The following CDK8 variants were observed in gnomAD, a reference collection of about 807,000 sequenced individuals.
CDK8 encodes cyclin-dependent kinase 8.
Under a neutral mutation model 71.5 loss-of-function variants are expected in CDK8, and 29 were observed. That is an observed-to-expected ratio of 0.41 (90% CI 0.30 to 0.55). The LOEUF (loss-of-function observed/expected upper bound fraction) is 0.55. Among genes scored for constraint, CDK8 ranks in the 20% least tolerant of loss-of-function variants. The probability of loss-of-function intolerance (pLI) is 0.37; values close to 1 mark genes in which losing one functional copy is unlikely to be tolerated. For missense variants in CDK8, 288 were observed against 572.6 expected (o/e 0.50, Z 5.07); for synonymous variants, 161 against 192.1 (o/e 0.84, Z 1.34).
At chr13:26,337,363 A>G (rs967042441) in intron 1 of CDK8, among the ~76,000 whole-genome samples, 1 of 152,170 alleles carries the variant, frequency 6.6e-6, no homozygotes, top group African/African-American at 2.4e-5. Context: ...AAGTCTTTTT[A>G]TTCCTTTGAA....
chr13:26,403,540 C>T (rs17084039), intron 12 of CDK8, among the ~76,000 whole-genome samples: 12,089 of 152,102 alleles, frequency 0.079, 1,573 homozygotes, highest in African/African-American at 0.27. Context: ...ATCATACTCA[C>T]TTTTACTCTT....
At chr13:26,291,397 G>A (rs1317581978) in intron 1 of CDK8, among the ~76,000 whole-genome samples, 4 of 152,150 alleles carry the variant, frequency 2.6e-5, no homozygotes, top group Non-Finnish European at 5.9e-5. Flanking sequence ...CATATAGAAA[G>A]AGTTGTTAAC....
chr13:26,255,228 A>G (rs1871469707), intron 1 of CDK8, among the ~76,000 whole-genome samples: 1 of 152,038 alleles, frequency 6.6e-6, no homozygotes, highest in Non-Finnish European at 1.5e-5. Context: ...TTTTTTATCA[A>G]ATTTGTATTT....
At chr13:26,287,264 G>A (rs2137894990) in intron 1 of CDK8, among the ~76,000 whole-genome samples, 1 of 152,280 alleles carries the variant, frequency 6.6e-6, no homozygotes, top group Non-Finnish European at 1.5e-5. Context: ...CAAACAAGTG[G>A]ATAAAGAAAA....
chr13:26,313,925 G>A (rs2137935522), intron 1 of CDK8, among the ~76,000 whole-genome samples: 1 of 152,312 alleles, frequency 6.6e-6, no homozygotes, highest in South Asian at 2.1e-4. Flanking sequence ...TGATGTCCAG[G>A]TTGGGTAAAT....
chr13:26,293,385 C>T (rs1311191170), intron 1 of CDK8, among the ~76,000 whole-genome samples: 1 of 151,920 alleles, frequency 6.6e-6, no homozygotes, highest in African/African-American at 2.4e-5. Context: ...GGTGGATTGC[C>T]TGAGCTCAGG....
Position 26,401,589 on chromosome 13 carries a change from A to G in CDK8, c.1234A>G (p.Thr412Ala), listed in dbSNP as rs1876261166. Residue 412 changes from threonine to alanine, a missense_variant, in exon 12 of 13, where the codon ACC becomes GCC. Physicochemically the swap from Thr to Ala is moderately conservative, Grantham distance 58. Around this residue, in one of 6 missense-constraint regions of CDK8, gnomAD observed 76 missense variants for 99.7 expected, o/e 0.76. Transcript: ENST00000381527. The surrounding 1 kb of genome is among the most constrained non-coding windows in gnomAD (Gnocchi z 4.5). ...AGTGAGAGTTGTTCCTCCTACCACTACCTCAGGTGGACTTATCATGACCTC... is the reference window on the plus strand; with the variant it reads ...AGTGAGAGTTGTTCCTCCTACCACTGCCTCAGGTGGACTTATCATGACCTC... ...KKVRVVPPTT[T>A]SGGLIMTSDY... 1 of 1,614,134 alleles carries G rather than the reference A, an allele frequency of 6.2e-7. No individual in the cohort carries two copies. Among genetic ancestry groups the G allele is most frequent in the Non-Finnish European group, 8.5e-7 (1 of 1,179,996 alleles).
chr13:26,329,056 T>C (rs1029305587), intron 1 of CDK8, among the ~76,000 whole-genome samples: 1 of 152,224 alleles, frequency 6.6e-6, no homozygotes, highest in Non-Finnish European at 1.5e-5. Context: ...AATCAGCTAT[T>C]TTTTGTCCAT....
rs1593219037 is a variant in CDK8, at chr13:26,254,901, C to T, written c.128+132C>T. 7.5e-7 allele frequency: 1 copy of T among 1,327,254 alleles called. No individual in the cohort carries two copies. Among genetic ancestry groups the T allele is most frequent in the Non-Finnish European group, 1.0e-6 (1 of 974,732 alleles). 82.2% of individuals were successfully genotyped at this position (1,327,254 alleles called of 1,614,324 possible). A position where few individuals can be genotyped will look rare whatever the true frequency, so the allele number is the denominator to read the frequency against. Reference sequence around the variant, plus strand: ...CCTCGACGCCGGCCTCTGGCTCCGCCAGCCAGGTTTGGGGAGGAAGTGGTG... The same window carrying T: ...CCTCGACGCCGGCCTCTGGCTCCGCTAGCCAGGTTTGGGGAGGAAGTGGTG... On this transcript the variant is annotated intron_variant, in intron 1 of 12. Transcript: ENST00000381527. The surrounding 1 kb of genome is among the most constrained non-coding windows in gnomAD (Gnocchi z 6.7).
At chr13:26,397,055 A>G (rs1032072187) in intron 8 of CDK8, 98 bp from the exon 9 acceptor site, 11 of 706,914 alleles carry the variant, frequency 1.6e-5, no homozygotes, top group Non-Finnish European at 2.3e-5. Context: ...TATATTTTAT[A>G]TCGGTTATGA....
At chr13:26,313,347 T>A (rs1483041248) in intron 1 of CDK8, among the ~76,000 whole-genome samples, 1 of 152,178 alleles carries the variant, frequency 6.6e-6, no homozygotes, top group Admixed American at 6.6e-5. Context: ...GGAAAAGAGA[T>A]GAAGAATTGA....
At chr13:26,386,495 G>A (rs940705573) in intron 6 of CDK8, among the ~76,000 whole-genome samples, 1 of 151,964 alleles carries the variant, frequency 6.6e-6, no homozygotes, top group African/African-American at 2.4e-5. Context: ...TTTCTATTTT[G>A]GATTGGTTGG....
chr13:26,287,097 G>T (rs950352730), intron 1 of CDK8, among the ~76,000 whole-genome samples: 2 of 152,150 alleles, frequency 1.3e-5, no homozygotes, highest in Non-Finnish European at 2.9e-5. Flanking sequence ...ATTCCTTAAA[G>T]AACTAAAATA....
chr13:26,354,149 T>G (rs566072136), intron 4 of CDK8, among the ~76,000 whole-genome samples: 1 of 152,350 alleles, frequency 6.6e-6, no homozygotes, highest in East Asian at 1.9e-4. Context: ...AAATAAAGCA[T>G]TGGCTTGCTT....
chr13:26,329,225 A>G (rs1463805379), intron 1 of CDK8, among the ~76,000 whole-genome samples: 5 of 152,080 alleles, frequency 3.3e-5, no homozygotes, highest in Non-Finnish European at 5.9e-5. Flanking sequence ...TTACCAAAAC[A>G]CTGCTCAGTT....
chr13:26,353,781 G>C lies in CDK8; in HGVS notation c.357G>C (p.Lys119Asn), dbSNP rs1249302323. 1 of 1,613,226 alleles carries C rather than the reference G, an allele frequency of 6.2e-7. No individual in the cohort carries two copies. The highest frequency in any genetic ancestry group is 8.5e-7 in the Non-Finnish European group (1 of 1,179,610). ...KFHRASKANKKPVQLPRGMVK... is the reference protein window; with the variant it reads ...KFHRASKANKNPVQLPRGMVK... ...ACAGAGCTTCTAAAGCAAACAAGAA[G>C]CCAGTTCAGTTACCTCGGGGAATGG... The change falls in exon 4 of 13, where the codon AAG becomes AAC. Residue 119 changes from lysine (K) to asparagine (N), a missense_variant. Coordinates refer to ENST00000381527, the MANE Select transcript of CDK8 (RefSeq NM_001260.3).
chr13:26,361,413 G>A (rs977378258), intron 4 of CDK8, among the ~76,000 whole-genome samples: 1 of 152,118 alleles, frequency 6.6e-6, no homozygotes, highest in Non-Finnish European at 1.5e-5. Flanking sequence ...AGTCTAAAAT[G>A]CATTTAATAC....
rs571996968 is a variant in CDK8, at chr13:26,316,179, C to G, written c.129-21388C>G. 3.9e-5 allele frequency among the ~76,000 whole-genome samples: 6 copies of G among 152,212 alleles called. No individual in the cohort carries two copies. In the East Asian group the frequency reaches 1.2e-3, roughly 29 times the overall value. On this transcript the variant is annotated intron_variant, in intron 1 of 12. Coordinates refer to ENST00000381527, the MANE Select transcript of CDK8 (RefSeq NM_001260.3). ...TTCTAGACCAGCCTGGGCAACATGG[C>G]AAAAGCCTGTCTCTACAGAAAATGT...
chr13:26,263,071 C>T (rs1871843605), intron 1 of CDK8, among the ~76,000 whole-genome samples: 1 of 151,932 alleles, frequency 6.6e-6, no homozygotes, highest in Non-Finnish European at 1.5e-5. Flanking sequence ...CTTGTCAAGT[C>T]GTGCTAATGT....
Sources: allele counts gnomAD v4.1 joint callset (sites outside exome capture counted in the v4.1 genomes callset), GRCh38; gene constraint gnomAD v4.1.1; regional missense constraint gnomAD v4.1.1; non-coding constraint Gnocchi (gnomAD v3.1); transcripts MANE v1.5; gene names NCBI Gene and HGNC (gene_info 2026-07-23, HGNC 2026-07-21).